ECT2: variants seen among roughly 807,000 people sequenced by gnomAD.
ECT2 encodes the protein epithelial cell transforming 2, also known as protein ECT2.
In ECT2, 61 loss-of-function variants were observed where a neutral mutation model predicts 116.9. The observed-to-expected ratio is 0.52, with a 90% CI of 0.42 to 0.65. The LOEUF (loss-of-function observed/expected upper bound fraction) is 0.65. Among genes scored for constraint, ECT2 ranks in the 30% least tolerant of loss-of-function variants. The pLI is 0.00. For missense variants in ECT2, 937 were observed against 1,078.7 expected (o/e 0.87, Z 1.84); for synonymous variants, 358 against 346.4 (o/e 1.03, Z -0.37).
intron 4 of ECT2, 48 bp downstream of exon 4, chr3:172,755,623 T>G: frequency 2.0e-6 from 2 of 1,004,740 alleles, no homozygotes; most frequent in Non-Finnish European, 2.9e-6. Context: ...CTTCCCTTGA[T>G]TGTATTATTC....
chr3:172,769,106 A>G lies in ECT2; in HGVS notation c.1391A>G (p.Glu464Gly). 3.1e-6 allele frequency: 5 copies of G among 1,613,250 alleles called. No individual in the cohort carries two copies. The highest frequency in any genetic ancestry group is 4.2e-6 in the Non-Finnish European group (5 of 1,179,418). Reference protein sequence around the residue: ...WQVAKELYQTESNYVNILATI... With the variant: ...WQVAKELYQTGSNYVNILATI... The stretch of plus-strand genomic sequence containing the variant: ...GTTGCAAAAGAGCTTTATCAAACTG[A>G]AAGTAATTATGTTAATATATTGGCA... The change falls in exon 13 of 25, where the codon GAA becomes GGA. Residue 464 changes from glutamate to glycine, a missense_variant. Glu to Gly is a moderately conservative substitution (Grantham distance 98, BLOSUM62 -2). Transcript: ENST00000392692.
At chr3:172,751,987 TCAG>T in intron 1 of ECT2, among the ~76,000 whole-genome samples, 1 of 152,326 alleles carries the variant, frequency 6.6e-6, no homozygotes, top group East Asian at 1.9e-4. Context: ...TACAGTATCA[TCAG>T]GGGCAATTTT....
At chr3:172,793,552 C>T (rs1725066978) in intron 18 of ECT2, among the ~76,000 whole-genome samples, 1 of 152,124 alleles carries the variant, frequency 6.6e-6, no homozygotes, top group South Asian at 2.1e-4. Context: ...CAACCTCCAC[C>T]TCCCAGGTTC....
rs879399008 is a variant in ECT2, at chr3:172,803,097, CT to C, written c.2106+124del. 5.9e-4 allele frequency: 575 copies of C among 967,570 alleles called. 1 individual carries two copies. Among genetic ancestry groups the C allele is most frequent in the Non-Finnish European group, 7.6e-4 (543 of 712,606 alleles). The allele number at this position is 967,570 out of a possible 1,614,324, so 59.9% of individuals were successfully genotyped here. The stretch of plus-strand genomic sequence containing the variant: ...AGAATTTTAAATAAACTCAAGTAAT[CT>C]TTTTTTAAAAAAATCGAGGACAATT... On this transcript the variant is annotated intron_variant, in intron 20 of 24. Coordinates refer to ENST00000392692, the MANE Select transcript of ECT2 (RefSeq NM_001258315.2).
chr3:172,773,854 C>A, intron 13 of ECT2, 49 bp from the exon 14 acceptor site: 1 of 1,566,068 alleles, frequency 6.4e-7, no homozygotes. Context: ...TCTTTTAGCT[C>A]TTTTCTTTTT....
At chr3:172,811,162 A>G (rs1239518430) in intron 22 of ECT2, among the ~76,000 whole-genome samples, 1 of 152,044 alleles carries the variant, frequency 6.6e-6, no homozygotes, top group African/African-American at 2.4e-5. Context: ...TATATTTTAG[A>G]AATTTAGGGA....
intron 18 of ECT2, among the ~76,000 whole-genome samples, chr3:172,797,107 G>A (rs567104253): frequency 2.0e-5 from 3 of 149,918 alleles, no homozygotes. Flanking sequence ...TTGACTCACT[G>A]CAACCTCCAC....
In ECT2 at chr3:172,821,371, C is replaced by T. The variant is rs1730665166; in HGVS notation, c.*1134C>T. 6.6e-6 allele frequency: 1 copy of T among 151,692 alleles called. No homozygotes were observed. The highest frequency in any genetic ancestry group is 2.4e-5 in the African/African-American group (1 of 41,360). The allele number at this position is 151,692 out of a possible 1,614,324, so 9.4% of individuals were successfully genotyped here. Reference sequence around the variant, plus strand: ...ACTGACTATAGATTGTTTTCTATGCCATGTATGTGCCACTTCTGAGAGTAG... The same window carrying T: ...ACTGACTATAGATTGTTTTCTATGCTATGTATGTGCCACTTCTGAGAGTAG... On this transcript the variant is annotated 3_prime_UTR_variant, in exon 25 of 25. Coordinates refer to ENST00000392692, the MANE Select transcript of ECT2 (RefSeq NM_001258315.2).
chr3:172,775,911 G>A (rs1037317532), intron 14 of ECT2, among the ~76,000 whole-genome samples: 1 of 152,130 alleles, frequency 6.6e-6, no homozygotes, highest in Non-Finnish European at 1.5e-5. Context: ...TGGGATTACA[G>A]GCATAAGTCA....
chr3:172,802,555 G>A (rs372807822), intron 18 of ECT2, 61 bp from the exon 19 acceptor site: 13 of 1,024,576 alleles, frequency 1.3e-5, no homozygotes, highest in African/African-American at 8.2e-5. Flanking sequence ...TGTGACATGA[G>A]TTGTGTTTGT....
intron 18 of ECT2, among the ~76,000 whole-genome samples, chr3:172,799,589 T>C (rs947327387): frequency 5.9e-5 from 9 of 152,176 alleles, no homozygotes; most frequent in African/African-American, 2.2e-4. Context: ...GTAACACAAC[T>C]TTTTGTTCAA....
At chr3:172,798,709 C>A (rs941378244) in intron 18 of ECT2, among the ~76,000 whole-genome samples, 2 of 151,998 alleles carry the variant, frequency 1.3e-5, no homozygotes, top group African/African-American at 2.4e-5. Context: ...ATAGATAGAA[C>A]ATTTATTTTT....
At position 172,759,913 on chromosome 3, in the gene ECT2, G is replaced by A. The variant is rs192758444; in HGVS notation, c.577-243G>A. ...AATATATTTAGGCCATAGGAAAGGCGGTTGTTTAACTTACATTTGTGTGAA... is the reference window on the plus strand; with the variant it reads ...AATATATTTAGGCCATAGGAAAGGCAGTTGTTTAACTTACATTTGTGTGAA... On this transcript the variant is annotated intron_variant, in intron 6 of 24. Transcript: ENST00000392692. Among the ~76,000 whole-genome samples the A allele has an allele frequency of 9.9e-5, 15 of 152,198 alleles. No homozygotes were observed. The East Asian group carries it at 2.9e-3, about 29-fold the overall frequency.
chr3:172,776,895 G>A (rs993018661), intron 14 of ECT2, among the ~76,000 whole-genome samples: 13 of 148,860 alleles, frequency 8.7e-5, no homozygotes, highest in African/African-American at 3.0e-4. Flanking sequence ...TTCTTTTTGC[G>A]ACAAAGTCTC....
At chr3:172,803,063 G>A in intron 20 of ECT2, 83 bp downstream of exon 20, 3 of 1,248,864 alleles carry the variant, frequency 2.4e-6, no homozygotes, top group Non-Finnish European at 3.2e-6. Flanking sequence ...TTTAATTGAA[G>A]AGTAATGTAG....
intron 17 of ECT2, among the ~76,000 whole-genome samples, chr3:172,785,147 C>CT (rs1325653543): frequency 6.6e-6 from 1 of 152,100 alleles, no homozygotes; most frequent in Non-Finnish European, 1.5e-5. Context: ...TATGTCCCGA[C>CT]TTTTTTGTAG....
chr3:172,759,812 G>A (rs936338056), intron 6 of ECT2, among the ~76,000 whole-genome samples: 1 of 151,956 alleles, frequency 6.6e-6, no homozygotes, highest in East Asian at 1.9e-4. Context: ...GATTTTGTGG[G>A]AACAGTCTTG....
chr3:172,765,211 A>G (rs1719117017), intron 12 of ECT2, among the ~76,000 whole-genome samples: 1 of 152,146 alleles, frequency 6.6e-6, no homozygotes, highest in Non-Finnish European at 1.5e-5. Flanking sequence ...TATGCATTCA[A>G]CACATGAATA....
intron 14 of ECT2, among the ~76,000 whole-genome samples, chr3:172,780,649 G>T (rs1722532960): frequency 1.3e-5 from 2 of 152,114 alleles, no homozygotes; most frequent in Admixed American, 1.3e-4. Context: ...GAGAAGCTCA[G>T]ACCCATCAGT....
Sources: gnomAD v4.1 joint callset for allele counts (sites outside exome capture counted in the v4.1 genomes callset) on GRCh38, gnomAD v4.1.1 for gene constraint, MANE v1.5 for transcripts, NCBI Gene and HGNC (gene_info 2026-07-23, HGNC 2026-07-21) for gene names.